Variants in CCDC17 observed in about 807,000 individuals in gnomAD.
CCDC17 encodes the protein coiled-coil domain containing 17.
A neutral mutation model predicts 68.0 loss-of-function variants in CCDC17; 79 were observed. The observed-to-expected ratio is 1.16, with a 90% CI of 0.97 to 1.40. CCDC17 has a LOEUF of 1.40. Ranked by LOEUF, CCDC17 falls within the 40% of genes most tolerant of loss-of-function variation. The probability of loss-of-function intolerance (pLI) is 0.00; values close to 1 mark genes in which losing one functional copy is unlikely to be tolerated. For missense variants in CCDC17, 846 were observed against 811.5 expected, an observed-to-expected ratio of 1.04 and a Z score of -0.52; for synonymous variants, 376 against 337.5, an observed-to-expected ratio of 1.11 and a Z score of -1.25.
In CCDC17 at chr1:45,621,065, C is replaced by G; in HGVS notation, c.1437G>C (p.Trp479Cys). ...SVSLVCELQV[W>C]QGLAWARAPQ... ...GTGCCCTAGCCCATGCTAGCCCCTGCCAGACCTGCAGCTCACAGACCAAAG... is the reference window on the plus strand; with the variant it reads ...GTGCCCTAGCCCATGCTAGCCCCTGGCAGACCTGCAGCTCACAGACCAAAG... The change falls in exon 11 of 13, where the codon TGG (tryptophan) becomes TGC (cysteine). Residue 479 changes from tryptophan (W) to cysteine (C), a missense_variant. Transcript: ENST00000528266. 6.2e-7 allele frequency: 1 copy of G among 1,613,986 alleles called. No individual in the cohort carries two copies. The highest frequency in any genetic ancestry group is 8.5e-7 in the Non-Finnish European group (1 of 1,179,888).
Position 45,620,367 on chromosome 1 carries a change from G to A in CCDC17, c.1777C>T (p.Pro593Ser). ...CCACTGAGGGGCTCTTCTGTACGAG[G>A]TGGGGGATCAGCAAAGCCAACTGCG... Reference protein sequence around the residue: ...TPAVGFADPPPRTEEPLSGVK... With the variant: ...TPAVGFADPPSRTEEPLSGVK... The change falls in exon 13 of 13, where the codon CCT becomes TCT. Residue 593 changes from proline (P) to serine (S), a missense_variant. Transcript: ENST00000528266. 6.2e-7 allele frequency: 1 copy of A among 1,606,576 alleles called. No homozygotes were observed. The highest frequency in any genetic ancestry group is 8.5e-7 in the Non-Finnish European group (1 of 1,177,308).
chr1:45,623,276 C>A lies in CCDC17; in HGVS notation c.434G>T (p.Arg145Leu). 3 of 1,547,690 alleles carry A rather than the reference C, an allele frequency of 1.9e-6. No homozygotes were observed. Among genetic ancestry groups the A allele is most frequent in the Non-Finnish European group, 2.6e-6 (3 of 1,146,698 alleles). Reference sequence around the variant, plus strand: ...TTCCATCTCCGCCACGCGCCTCGCGCGAGTCCTGAACAGCGCCCGCAGCCG... The same window carrying A: ...TTCCATCTCCGCCACGCGCCTCGCGAGAGTCCTGAACAGCGCCCGCAGCCG... Reference protein sequence around the residue: ...SERLRALFRTRARRVAEMEAQ... With the variant: ...SERLRALFRTLARRVAEMEAQ... The change falls in exon 3 of 13, where the codon CGC becomes CTC. Residue 145 changes from arginine (R) to leucine (L), a missense_variant. By Grantham distance (102) the Arg-to-Leu change is moderately radical. Transcript: ENST00000528266.
In CCDC17 at chr1:45,620,237, G is replaced by A. The variant is rs1424265828; in HGVS notation, c.*38C>T. The A allele has an allele frequency of 6.3e-7, 1 of 1,592,780 alleles. No homozygotes were observed. The highest frequency in any genetic ancestry group is 8.5e-7 in the Non-Finnish European group (1 of 1,171,842). ...AGGTCTGGAAATAGGCCCCAGTCCT[G>A]TGCATGTTCAGATGCTCATCTCCAC... On this transcript the variant is annotated 3_prime_UTR_variant, in exon 13 of 13. Transcript: ENST00000528266.
chr1:45,623,267 C>T lies in CCDC17; in HGVS notation c.443G>A (p.Arg148His). Residue 148 changes from arginine (R) to histidine (H), a missense_variant, in exon 3 of 13, where the codon CGC becomes CAC. Arg to His is a conservative substitution (Grantham distance 29, BLOSUM62 0). Transcript: ENST00000528266. Reference sequence around the variant, plus strand: ...GCTCTGCGCTTCCATCTCCGCCACGCGCCTCGCGCGAGTCCTGAACAGCGC... The same window carrying T: ...GCTCTGCGCTTCCATCTCCGCCACGTGCCTCGCGCGAGTCCTGAACAGCGC... Reference protein sequence around the residue: ...LRALFRTRARRVAEMEAQSRA... With the variant: ...LRALFRTRARHVAEMEAQSRA... 2 of 1,546,604 alleles carry T rather than the reference C, an allele frequency of 1.3e-6. No homozygotes were observed. The highest frequency in any genetic ancestry group is 1.7e-6 in the Non-Finnish European group (2 of 1,146,506).
chr1:45,623,321 G>A lies in CCDC17; in HGVS notation c.389C>T (p.Ala130Val), dbSNP rs116445969. ...EARPQSPMSE[A>V]VGSPSERLRA... Reference sequence around the variant, plus strand: ...CAGCCGCTCGCTGGGGCTTCCCACCGCCTCGGACATGGGACTCTGAGGCCG... The same window carrying A: ...CAGCCGCTCGCTGGGGCTTCCCACCACCTCGGACATGGGACTCTGAGGCCG... Residue 130 changes from alanine (A) to valine (V), a missense_variant, in exon 3 of 13, where the codon GCG becomes GTG. Ala to Val is a moderately conservative substitution (Grantham distance 64). Coordinates refer to ENST00000528266, the MANE Select transcript of CCDC17 (RefSeq NM_001114938.3). 1.3e-3 allele frequency: 1,949 copies of A among 1,550,226 alleles called. 23 individuals carry two copies. The African/African-American group carries it at 0.024, about 19-fold the overall frequency.
chr1:45,623,490 G>GT, intron 2 of CCDC17, 51 bp from the exon 3 acceptor site: 2 of 1,549,358 alleles, frequency 1.3e-6, no homozygotes, highest in Non-Finnish European at 1.7e-6. Flanking sequence ...TCTGTCCCAA[G>GT]TATGATCTAC....
Position 45,623,980 on chromosome 1 carries a change from A to G in CCDC17, c.-71T>C, listed in dbSNP as rs140722497. 1.9e-3 allele frequency: 2,055 copies of G among 1,077,458 alleles called. 3 individuals are homozygous for G. The highest frequency in any genetic ancestry group is 2.4e-3 in the Non-Finnish European group (1,845 of 759,118). 66.7% of individuals were successfully genotyped at this position (1,077,458 alleles called of 1,614,324 possible). ...ATCAAGGGCAGGGGAAAGGCAGAGG[A>G]GGATGAAAGAGACATAAAGCCAGAG... On this transcript the variant is annotated 5_prime_UTR_variant, in exon 1 of 13. Transcript: ENST00000528266.
chr1:45,623,284 G>C lies in CCDC17; in HGVS notation c.426C>G (p.Phe142Leu), dbSNP rs1464308840. The C allele has an allele frequency of 4.5e-6, 7 of 1,548,302 alleles. No individual in the cohort carries two copies. Among genetic ancestry groups the C allele is most frequent in the South Asian group, 1.2e-5 (1 of 84,030 alleles). Residue 142 changes from phenylalanine (F) to leucine (L), a missense_variant, in exon 3 of 13, where the codon TTC becomes TTG. Coordinates refer to ENST00000528266, the MANE Select transcript of CCDC17 (RefSeq NM_001114938.3). The part of the protein sequence containing the change: ...GSPSERLRAL[F>L]RTRARRVAEM... ...CCGCCACGCGCCTCGCGCGAGTCCT[G>C]AACAGCGCCCGCAGCCGCTCGCTGG...
Position 45,623,551 on chromosome 1 carries a change from C to T in CCDC17, c.270+6G>A. On this transcript the variant is annotated splice_donor_region_variant and intron_variant, in intron 2 of 12. Transcript: ENST00000528266. ...TTGAGCCCTGGGGGAAGGTAGGTAG[C>T]TCTACCTCCTCTGTTAACCTCTTTA... is the stretch of plus-strand genomic sequence containing the variant. The T allele has an allele frequency of 6.5e-7, 1 of 1,548,808 alleles. No homozygotes were observed. The highest frequency in any genetic ancestry group is 1.2e-5 in the South Asian group (1 of 84,062).
At position 45,622,594 on chromosome 1, in the gene CCDC17, CCTG is replaced by C; in HGVS notation, c.811_813del (p.Gln271del). The C allele has an allele frequency of 6.4e-7, 1 of 1,555,062 alleles. No individual in the cohort carries two copies. Among genetic ancestry groups the C allele is most frequent in the Non-Finnish European group, 8.7e-7 (1 of 1,149,202 alleles). The stretch of plus-strand genomic sequence containing the variant: ...TGCAGCTCCAGTGCAGACGCCTCCA[CCTG>C]CAACTGCCATATCTGGCCCAGCACG... On this transcript the variant is annotated inframe_deletion, in exon 6 of 13. Transcript: ENST00000528266.
intron 6 of CCDC17, 52 bp from the exon 7 acceptor site, chr1:45,622,400 G>T (rs1446370507): frequency 3.3e-6 from 5 of 1,537,706 alleles, no homozygotes; most frequent in East Asian, 2.3e-5. Flanking sequence ...GACTGGCCGC[G>T]TCCGGCTGTG....
Position 45,622,735 on chromosome 1 carries a change from C to T in CCDC17, c.740+16G>A. On this transcript the variant is annotated intron_variant, in intron 5 of 12. Transcript: ENST00000528266. ...CAGCGCTTCGCCCTATGCCCATCTC[C>T]GGCCCCGGCTCTCACCGGATTTCGG... 4 of 1,574,928 alleles carry T rather than the reference C, an allele frequency of 2.5e-6. No individual in the cohort carries two copies. The highest frequency in any genetic ancestry group is 2.7e-5 in the African/African-American group (2 of 74,234).
Position 45,623,949 on chromosome 1 carries a change from G to A in CCDC17, c.-40C>T. The A allele has an allele frequency of 1.4e-6, 2 of 1,396,054 alleles. No homozygotes were observed. The highest frequency in any genetic ancestry group is 1.9e-6 in the Non-Finnish European group (2 of 1,042,460). 86.5% of individuals were successfully genotyped at this position (1,396,054 alleles called of 1,614,324 possible). A position where few individuals can be genotyped will look rare whatever the true frequency, so the allele number is the denominator to read the frequency against. On this transcript the variant is annotated 5_prime_UTR_variant, in exon 1 of 13. Coordinates refer to ENST00000528266, the MANE Select transcript of CCDC17 (RefSeq NM_001114938.3). ...TTCCTGAAACCAGCCAAGACCTGCA[G>A]AAGGGATCAAGGGCAGGGGAAAGGC...
chr1:45,622,800 A>T lies in CCDC17; in HGVS notation c.691T>A (p.Tyr231Asn). 6.2e-7 allele frequency: 1 copy of T among 1,602,818 alleles called. No individual in the cohort carries two copies. Among genetic ancestry groups the T allele is most frequent in the Non-Finnish European group, 8.5e-7 (1 of 1,174,902 alleles). Reference protein sequence around the residue: ...PLSSRREAELYSPVQKANPGT... With the variant: ...PLSSRREAELNSPVQKANPGT... The stretch of plus-strand genomic sequence containing the variant: ...GGGTTGGCCTTTTGCACTGGAGAAT[A>T]AAGTTCTGCCTCTCGCCGGGAGCTC... Residue 231 changes from tyrosine to asparagine, a missense_variant, in exon 5 of 13, where the codon TAT becomes AAT. Physicochemically the swap from Tyr to Asn is moderately radical, Grantham distance 143. Transcript: ENST00000528266.
rs763260242 is a variant in CCDC17, at chr1:45,622,685, G to A, written c.741-18C>T. On this transcript the variant is annotated intron_variant, in intron 5 of 12. Coordinates refer to ENST00000528266, the MANE Select transcript of CCDC17 (RefSeq NM_001114938.3). ...GCAGCGCCCTAGGGAGTGGGGAACA[G>A]GAAGGCCGTCTTTCCAGAACTGCTC... 9.0e-6 allele frequency: 14 copies of A among 1,555,268 alleles called. No individual in the cohort carries two copies. The highest frequency in any genetic ancestry group is 1.7e-4 in the Middle Eastern group (1 of 5,998).
Position 45,621,124 on chromosome 1 carries a change from A to G in CCDC17, c.1389-11T>C, listed in dbSNP as rs762567626. On this transcript the variant is annotated splice_polypyrimidine_tract_variant and intron_variant, in intron 10 of 12. Transcript: ENST00000528266. ...GATGAGGGTGGTAGTCTGTAGAATAACCAAAAAGCAGTGTCGGAAGCCAGA... is the reference window on the plus strand; with the variant it reads ...GATGAGGGTGGTAGTCTGTAGAATAGCCAAAAAGCAGTGTCGGAAGCCAGA... 1.2e-6 allele frequency: 2 copies of G among 1,612,490 alleles called. No individual in the cohort carries two copies. The highest frequency in any genetic ancestry group is 3.3e-5 in the Admixed American group (2 of 59,762).
Position 45,621,086 on chromosome 1 carries a change from CAA to C in CCDC17, c.1414_1415del (p.Leu472GlyfsTer3). ...PRLPPSSSVS[L>X]VCELQVWQGL... ...CCTGCCAGACCTGCAGCTCACAGAC[CAA>C]AGATACTGATGATGAGGGTGGTAGT... On this transcript the variant is annotated frameshift_variant, in exon 11 of 13. Coordinates refer to ENST00000528266, the MANE Select transcript of CCDC17 (RefSeq NM_001114938.3). LOFTEE classifies it high-confidence loss of function. The C allele has an allele frequency of 6.2e-7, 1 of 1,613,748 alleles. No individual in the cohort carries two copies. The highest frequency in any genetic ancestry group is 8.5e-7 in the Non-Finnish European group (1 of 1,179,680).
rs1181878444 is a variant in CCDC17 at position 45,620,337 on chromosome 1, TGACTC to T, written c.1802_1806del (p.Gly601GlufsTer3). 1 of 1,608,842 alleles carries T rather than the reference TGACTC, an allele frequency of 6.2e-7. No homozygotes were observed. Among genetic ancestry groups the T allele is most frequent in the South Asian group, 1.1e-5 (1 of 89,808 alleles). ...GGGCCCAAACCCTCATCTCTATCCT[TGACTC>T]CACTGAGGGGCTCTTCTGTACGAGG... is the stretch of plus-strand genomic sequence containing the variant. On this transcript the variant is annotated frameshift_variant, in exon 13 of 13. Transcript: ENST00000528266. LOFTEE classifies it low-confidence loss of function (END_TRUNC).
At chr1:45,621,522 C>T (rs1339747440) in intron 9 of CCDC17, 38 bp from the exon 10 acceptor site, 31 of 1,572,060 alleles carry the variant, frequency 2.0e-5, no homozygotes, top group Admixed American at 5.7e-5. Context: ...ATACCCAACT[C>T]CTTTCAACCT....
Sources: gnomAD v4.1 joint callset for allele counts on GRCh38, gnomAD v4.1.1 for gene constraint, MANE v1.5 for transcripts, NCBI Gene and HGNC (gene_info 2026-07-23, HGNC 2026-07-21) for gene names.